The following CNTNAP2 variants were observed in gnomAD, a reference collection of about 807,000 sequenced individuals.
The protein encoded by CNTNAP2 is contactin-associated protein-like 2.
A neutral mutation model predicts 155.2 loss-of-function variants in CNTNAP2; 98 were observed. The ratio of observed to expected loss-of-function variants is 0.63; its 90% CI spans 0.54 to 0.75. The LOEUF is 0.75. CNTNAP2 is among the 30% of genes least tolerant of loss of function. The probability of loss-of-function intolerance (pLI) is 0.00; values close to 1 mark genes in which losing one functional copy is unlikely to be tolerated. For synonymous variants in CNTNAP2, 651 were observed against 631.2 expected (o/e 1.03, Z -0.47); for missense variants, 1,727 against 1,688.1 (o/e 1.02, Z -0.40).
At chr7:147,226,445 A>G (rs934908005) in intron 8 of CNTNAP2, among the ~76,000 whole-genome samples, 22 of 152,112 alleles carry the variant, frequency 1.4e-4, no homozygotes, top group Admixed American at 6.6e-4. Context: ...ACGTCATGCC[A>G]TGGCTTGGAA....
chr7:146,621,603 G>A (rs1334323598), intron 1 of CNTNAP2, among the ~76,000 whole-genome samples: 1 of 152,082 alleles, frequency 6.6e-6, no homozygotes, highest in African/African-American at 2.4e-5. Context: ...GATTAGACTG[G>A]CATTATAGGT....
At chr7:147,075,394 C>T (rs1205106298) in intron 4 of CNTNAP2, among the ~76,000 whole-genome samples, 1 of 152,042 alleles carries the variant, frequency 6.6e-6, no homozygotes, top group Non-Finnish European at 1.5e-5. Flanking sequence ...ATCCCCATGG[C>T]TTGTGGTAAC....
At chr7:146,425,217 TC>T (rs1183666092) in intron 1 of CNTNAP2, among the ~76,000 whole-genome samples, 1 of 152,220 alleles carries the variant, frequency 6.6e-6, no homozygotes. Flanking sequence ...CTCACCCTTT[TC>T]TAACCCTTTC....
chr7:148,159,374 G>A (rs1805472569), intron 17 of CNTNAP2, among the ~76,000 whole-genome samples: 2 of 152,066 alleles, frequency 1.3e-5, no homozygotes, highest in Non-Finnish European at 2.9e-5. Flanking sequence ...GGAAATTCGT[G>A]TTGTCTCTTG....
chr7:148,366,052 GTGTGTATGCATGTATGCATGTA>G (rs1563059902), intron 21 of CNTNAP2, among the ~76,000 whole-genome samples: 24 of 574 alleles, frequency 0.042, 12 homozygotes, highest in African/African-American at 0.047. Flanking sequence ...GTATGCATGT[GTGTGTATGCATGTATGCATGTA>G]TGTGTGTGCA....
chr7:147,972,271 G>T (rs1403608061), intron 14 of CNTNAP2, among the ~76,000 whole-genome samples: 1 of 152,044 alleles, frequency 6.6e-6, no homozygotes, highest in Non-Finnish European at 1.5e-5. Context: ...TTTTTTAAGG[G>T]TTACTAAATA....
intron 11 of CNTNAP2, among the ~76,000 whole-genome samples, chr7:147,558,693 G>A (rs954004975): frequency 3.2e-5 from 4 of 124,964 alleles, no homozygotes; most frequent in South Asian, 2.8e-4. Flanking sequence ...TCCTTCGTTC[G>A]TTCTTTCCTT....
chr7:146,935,265 A>G (rs1022763031), intron 3 of CNTNAP2, among the ~76,000 whole-genome samples: 18 of 152,224 alleles, frequency 1.2e-4, no homozygotes, highest in Non-Finnish European at 5.9e-5. Context: ...TCTATGAACA[A>G]TAGAAATGAA....
At chr7:146,732,331 A>G (rs1801540162) in intron 1 of CNTNAP2, among the ~76,000 whole-genome samples, 1 of 152,122 alleles carries the variant, frequency 6.6e-6, no homozygotes, top group Non-Finnish European at 1.5e-5. Context: ...ACATGTTATG[A>G]CTTTGTTTCA....
At position 147,612,804 on chromosome 7, in the gene CNTNAP2, T is replaced by A. The variant is rs1284413321; in HGVS notation, c.1898-26302T>A. 2.6e-5 allele frequency among the ~76,000 whole-genome samples: 4 copies of A among 152,220 alleles called. No individual in the cohort carries two copies. In the East Asian group the frequency reaches 7.7e-4, roughly 29 times the overall value. On this transcript the variant is annotated intron_variant, in intron 12 of 23. Transcript: ENST00000361727. ...TACAAAAGTGACATCATGCATTAAATGCTCCTCTTACTTGCATTTTCTACT... is the reference window on the plus strand; with the variant it reads ...TACAAAAGTGACATCATGCATTAAAAGCTCCTCTTACTTGCATTTTCTACT...
chr7:147,920,175 G>A (rs941499576), intron 14 of CNTNAP2, among the ~76,000 whole-genome samples: 20 of 151,532 alleles, frequency 1.3e-4, no homozygotes, highest in African/African-American at 7.3e-5. Context: ...TGAACAACAT[G>A]GTAAAACCCG....
chr7:147,563,627 CAATAAATAAATA>C (rs35385008), intron 12 of CNTNAP2, among the ~76,000 whole-genome samples: 41 of 149,102 alleles, frequency 2.7e-4, no homozygotes, highest in Non-Finnish European at 4.9e-4. Context: ...GACTCCATCT[CAATAAATAAATA>C]AATAAATAAA....
intron 14 of CNTNAP2, among the ~76,000 whole-genome samples, chr7:147,922,082 C>T (rs1412427143): frequency 3.3e-5 from 5 of 152,088 alleles, no homozygotes; most frequent in Admixed American, 6.5e-5. Context: ...GTGTATATCT[C>T]TAGTATAAAA....
Position 148,299,203 on chromosome 7 carries a change from A to G in CNTNAP2, c.3475+32077A>G, listed in dbSNP as rs191608714. Among the ~76,000 whole-genome samples the G allele has an allele frequency of 1.4e-3, 220 of 152,118 alleles. 6 individuals are homozygous for G. The South Asian group carries it at 0.03, about 21-fold the overall frequency. ...GACAGGGCTTCACCGTGTTAGCCAGAATGGTCTCAATCTCCCGACCTTGTG... is the reference window on the plus strand; with the variant it reads ...GACAGGGCTTCACCGTGTTAGCCAGGATGGTCTCAATCTCCCGACCTTGTG... On this transcript the variant is annotated intron_variant, in intron 21 of 23. Transcript: ENST00000361727.
chr7:147,716,836 GA>G (rs1217582200), intron 13 of CNTNAP2, among the ~76,000 whole-genome samples: 1 of 152,116 alleles, frequency 6.6e-6, no homozygotes, highest in Non-Finnish European at 1.5e-5. Flanking sequence ...GTATTGCTAG[GA>G]TCATGAGTTG....
At chr7:146,891,365 G>A (rs1474304158) in intron 3 of CNTNAP2, among the ~76,000 whole-genome samples, 1 of 152,056 alleles carries the variant, frequency 6.6e-6, no homozygotes, top group African/African-American at 2.4e-5. Flanking sequence ...ATATACCCAT[G>A]CAACACATCT....
intron 14 of CNTNAP2, among the ~76,000 whole-genome samples, chr7:147,950,992 C>T (rs1286390343): frequency 1.3e-5 from 2 of 152,238 alleles, no homozygotes; most frequent in Non-Finnish European, 2.9e-5. Context: ...CTTCATCCAA[C>T]TTAGGATATA....
chr7:147,586,418 C>T (rs1344497717), intron 12 of CNTNAP2, among the ~76,000 whole-genome samples: 2 of 151,646 alleles, frequency 1.3e-5, no homozygotes, highest in Admixed American at 1.3e-4. Flanking sequence ...TTCAGGTTAA[C>T]TTTAAAATGC....
chr7:146,444,857 A>T (rs1796379217), intron 1 of CNTNAP2, among the ~76,000 whole-genome samples: 1 of 151,652 alleles, frequency 6.6e-6, no homozygotes, highest in African/African-American at 2.4e-5. Context: ...AGCTTTCACC[A>T]TGTTGGCCAG....
Sources: gnomAD v4.1 joint callset for allele counts (sites outside exome capture counted in the v4.1 genomes callset) on GRCh38, gnomAD v4.1.1 for gene constraint, MANE v1.5 for transcripts, NCBI Gene and HGNC (gene_info 2026-07-23, HGNC 2026-07-21) for gene names.